HDAC9: variants seen among roughly 807,000 people sequenced by gnomAD.
HDAC9 encodes MEF-2 interacting transcription repressor (MITR) protein.
In HDAC9, 41 loss-of-function variants were observed where a neutral mutation model predicts 139.4. The observed-to-expected ratio is 0.29, with a 90% CI of 0.23 to 0.38. The LOEUF (loss-of-function observed/expected upper bound fraction) is 0.38, where lower values mean the gene tolerates loss of function less well. HDAC9 is among the 10% of genes least tolerant of loss of function. The pLI, the probability that HDAC9 is intolerant of heterozygous loss-of-function variation, is 1.00. For synonymous variants in HDAC9, 517 were observed against 476.2 expected, an observed-to-expected ratio of 1.09 and a Z score of -1.12; for missense variants, 1,147 against 1,297.0, an observed-to-expected ratio of 0.88 and a Z score of 1.78.
At chr7:18,605,139 A>C (rs801512) in intron 6 of HDAC9, among the ~76,000 whole-genome samples, 1 of 152,144 alleles carries the variant, frequency 6.6e-6, no homozygotes, top group Non-Finnish European at 1.5e-5. Context: ...TCCTTCTCCT[A>C]TTGCTTTGGG....
intron 21 of HDAC9, among the ~76,000 whole-genome samples, chr7:18,845,283 A>T (rs1173889848): frequency 1.3e-5 from 2 of 152,290 alleles, no homozygotes; most frequent in Non-Finnish European, 2.9e-5. Context: ...TCTAAGATAC[A>T]CACAGAAGGG....
rs572263438 is a variant in HDAC9, at chr7:18,469,527, G to A, written c.-41-26735G>A. 1.3e-4 allele frequency among the ~76,000 whole-genome samples: 20 copies of A among 152,278 alleles called. No homozygotes were observed. The South Asian group carries it at 4.1e-3, about 32-fold the overall frequency. On this transcript the variant is annotated intron_variant, in intron 1 of 3. Transcript: ENST00000413509. ...GACACATCTAACAGGGAGCTTAACA[G>A]AGCAAGAGAAAGTGTGTAGGTGTTC...
intron 12 of HDAC9, among the ~76,000 whole-genome samples, chr7:18,698,383 G>A (rs1227788106): frequency 1.3e-5 from 2 of 152,150 alleles, no homozygotes; most frequent in African/African-American, 4.8e-5. Context: ...ACATCAAAAT[G>A]TTTTCTGGAA....
chr7:18,303,375 T>TTGTGTGTG (rs71014320), intron 1 of HDAC9, among the ~76,000 whole-genome samples: 2,500 of 127,702 alleles, frequency 0.02, 46 homozygotes, highest in South Asian at 0.044. Flanking sequence ...CCCAGCCAAT[T>TTGTGTGTG]TGTGTGTGTG....
intron 2 of HDAC9, among the ~76,000 whole-genome samples, chr7:18,185,349 C>T (rs1306016604): frequency 1.3e-5 from 2 of 152,216 alleles, no homozygotes; most frequent in Middle Eastern, 3.4e-3. Flanking sequence ...CGTGAGTATT[C>T]GTTAAACCTC....
In HDAC9 at chr7:18,441,759, ATGTTT is replaced by A. The variant is rs555151836; in HGVS notation, c.-41-54498_-41-54494del. ...CATATATATATACACACACACATAT[ATGTTT>A]TGTTGTTGTTGTTGTTGTTGTTGAG... On this transcript the variant is annotated intron_variant, in intron 1 of 3. Transcript: ENST00000413509. Among the ~76,000 whole-genome samples, 136 of 150,680 alleles carry A rather than the reference ATGTTT, an allele frequency of 9.0e-4. 1 individual carries two copies. The highest frequency in any genetic ancestry group is 1.6e-3 in the Non-Finnish European group (111 of 67,968).
chr7:18,338,434 C>T (rs1296970367), intron 1 of HDAC9, among the ~76,000 whole-genome samples: 2 of 151,590 alleles, frequency 1.3e-5, no homozygotes, highest in East Asian at 3.9e-4. Context: ...GTAGCAGGTA[C>T]TTAATAAATA....
At chr7:18,495,669 G>A, upstream of HDAC9, 1 of 852,454 alleles carries the variant, frequency 1.2e-6, no homozygotes, top group Non-Finnish European at 1.4e-6. Context: ...GTGCCTGTGG[G>A]CCATGCTGTT....
chr7:18,915,308 A>G (rs994785137), intron 22 of HDAC9, among the ~76,000 whole-genome samples: 2 of 152,064 alleles, frequency 1.3e-5, no homozygotes, highest in Non-Finnish European at 2.9e-5. Flanking sequence ...TGGTTACTTT[A>G]AGAGCTAAAC....
intron 12 of HDAC9, among the ~76,000 whole-genome samples, chr7:18,686,929 C>T (rs1301862076): frequency 2.0e-5 from 3 of 151,680 alleles, no homozygotes; most frequent in Non-Finnish European, 4.4e-5. Context: ...TGGACATGGT[C>T]CCGCCTGGCT....
At chr7:18,642,842 T>C (rs1786127834) in intron 8 of HDAC9, among the ~76,000 whole-genome samples, 1 of 152,056 alleles carries the variant, frequency 6.6e-6, no homozygotes, top group Non-Finnish European at 1.5e-5. Flanking sequence ...AAATTCTCTC[T>C]GGGAAACAAA....
intron 22 of HDAC9, among the ~76,000 whole-genome samples, chr7:18,878,410 C>T (rs1799483649): frequency 6.6e-6 from 1 of 152,054 alleles, no homozygotes. Flanking sequence ...AAGTATGTTC[C>T]TTTTATAAAC....
intron 1 of HDAC9, among the ~76,000 whole-genome samples, chr7:18,112,505 G>A (rs1053934230): frequency 6.6e-6 from 1 of 152,168 alleles, no homozygotes; most frequent in Non-Finnish European, 1.5e-5. Context: ...GAGAAGTTCC[G>A]ATATACACAG....
chr7:18,634,531 G>A, intron 7 of HDAC9, 96 bp from the exon 8 acceptor site: 4 of 727,814 alleles, frequency 5.5e-6, no homozygotes, highest in Non-Finnish European at 9.1e-6. Flanking sequence ...TTTACATAGG[G>A]GGAAAATAAC....
At chr7:18,301,239 A>T (rs1798518478) in intron 1 of HDAC9, among the ~76,000 whole-genome samples, 1 of 152,178 alleles carries the variant, frequency 6.6e-6, no homozygotes, top group African/African-American at 2.4e-5. Flanking sequence ...GCATCAGAAT[A>T]ATACTTTAAG....
At chr7:18,633,252 GTGGAAAGGAATGTTTTC>G (rs1782883343) in intron 7 of HDAC9, among the ~76,000 whole-genome samples, 1 of 152,112 alleles carries the variant, frequency 6.6e-6, no homozygotes, top group South Asian at 2.1e-4. Flanking sequence ...TAGAAAGGAT[GTGGAAAGGAATGTTTTC>G]TCTGAGGCCT....
chr7:18,525,442 G>A (rs149027097), intron 2 of HDAC9, among the ~76,000 whole-genome samples: 6 of 152,124 alleles, frequency 3.9e-5, no homozygotes, highest in African/African-American at 1.2e-4. Flanking sequence ...TACTGTGTGA[G>A]TATTCTTAAA....
chr7:18,763,864 C>T (rs998641759), intron 15 of HDAC9, among the ~76,000 whole-genome samples: 1 of 152,086 alleles, frequency 6.6e-6, no homozygotes, highest in South Asian at 2.1e-4. Flanking sequence ...AATCAACCTT[C>T]CAACTTTATT....
intron 23 of HDAC9, among the ~76,000 whole-genome samples, chr7:18,937,030 A>ATTTTTT (rs768350029): frequency 3.1e-4 from 30 of 96,698 alleles, no homozygotes; most frequent in Non-Finnish European, 4.9e-4. Context: ...GCTCTTGTTA[A>ATTTTTT]TTTTTTTTTT....
Sources: gnomAD v4.1 joint callset for allele counts (sites outside exome capture counted in the v4.1 genomes callset) on GRCh38, gnomAD v4.1.1 for gene constraint, MANE v1.5 for transcripts, NCBI Gene and HGNC (gene_info 2026-07-23, HGNC 2026-07-21) for gene names.